The following RBFOX1 variants were observed in gnomAD, a reference collection of about 807,000 sequenced individuals.
RBFOX1 encodes the protein RNA binding fox-1 homolog 1, also known as RNA binding protein fox-1 homolog 1.
RBFOX1 carries 8 observed loss-of-function variants against 57.7 expected under a neutral mutation model. The observed-to-expected ratio is 0.14, with a 90% CI of 0.08 to 0.25. The LOEUF (loss-of-function observed/expected upper bound fraction) is 0.25, where lower values mean the gene tolerates loss of function less well. Among genes scored for constraint, RBFOX1 ranks in the 10% least tolerant of loss-of-function variants. The probability of loss-of-function intolerance (pLI) is 1.00; values close to 1 mark genes in which losing one functional copy is unlikely to be tolerated. For missense variants in RBFOX1, 611 were observed against 548.5 expected (o/e 1.11, Z -1.14); for synonymous variants, 326 against 222.4 (o/e 1.47, Z -4.15).
chr16:7,441,732 C>T (rs2098768829), intron 4 of RBFOX1, among the ~76,000 whole-genome samples: 1 of 152,200 alleles, frequency 6.6e-6, no homozygotes, highest in African/African-American at 2.4e-5. Flanking sequence ...CTTCACCCAC[C>T]AGCTGGAGCT....
At chr16:6,970,721 T>C (rs1246618771) in intron 3 of RBFOX1, among the ~76,000 whole-genome samples, 1 of 152,196 alleles carries the variant, frequency 6.6e-6, no homozygotes, top group Non-Finnish European at 1.5e-5. Flanking sequence ...GGATATTAGA[T>C]TTCACCATAT....
At chr16:6,908,857 A>C (rs1055720756) in intron 3 of RBFOX1, among the ~76,000 whole-genome samples, 2 of 152,080 alleles carry the variant, frequency 1.3e-5, no homozygotes, top group African/African-American at 4.8e-5. Context: ...GTGGGGACTA[A>C]ATTAGTTTAT....
At chr16:6,985,912 C>G (rs78337749) in intron 3 of RBFOX1, among the ~76,000 whole-genome samples, 2,898 of 139,540 alleles carry the variant, frequency 0.021, 109 homozygotes, top group African/African-American at 0.072. Context: ...TATCTTTAAT[C>G]TGCAAATGAA....
chr16:6,873,295 T>C (rs939271049), intron 3 of RBFOX1, among the ~76,000 whole-genome samples: 1 of 152,178 alleles, frequency 6.6e-6, no homozygotes, highest in Non-Finnish European at 1.5e-5. Context: ...ATAACTCTTT[T>C]AACACCTTGA....
chr16:6,738,099 G>A (rs1365112858), intron 3 of RBFOX1, among the ~76,000 whole-genome samples: 2 of 149,028 alleles, frequency 1.3e-5, no homozygotes, highest in Non-Finnish European at 1.5e-5. Flanking sequence ...AAAAAGTCAG[G>A]CATTTTCCTC....
At chr16:6,122,022 C>T (rs1209037796) in intron 1 of RBFOX1, among the ~76,000 whole-genome samples, 6 of 152,154 alleles carry the variant, frequency 3.9e-5, no homozygotes, top group Admixed American at 1.3e-4. Context: ...TCTCCTGCCT[C>T]AGCCTCCTGC....
intron 3 of RBFOX1, among the ~76,000 whole-genome samples, chr16:6,761,637 G>A (rs1438159119): frequency 1.3e-5 from 2 of 148,292 alleles, no homozygotes; most frequent in Non-Finnish European, 3.0e-5. Context: ...CTCCCAAGTG[G>A]CTGGGATTAC....
At chr16:6,853,491 C>G (rs775779306) in intron 3 of RBFOX1, among the ~76,000 whole-genome samples, 6 of 152,036 alleles carry the variant, frequency 3.9e-5, no homozygotes, top group Non-Finnish European at 5.9e-5. Context: ...CAGTGTGGTG[C>G]TCGAGGACAA....
chr16:6,032,151 A>T (rs189897705), intron 1 of RBFOX1, among the ~76,000 whole-genome samples: 3 of 151,772 alleles, frequency 2.0e-5, no homozygotes, highest in Non-Finnish European at 4.4e-5. Context: ...CGTGCTTTCA[A>T]TTCTGCTGCT....
chr16:6,174,108 G>T (rs2096984437), intron 1 of RBFOX1, among the ~76,000 whole-genome samples: 1 of 152,108 alleles, frequency 6.6e-6, no homozygotes, highest in Non-Finnish European at 1.5e-5. Context: ...AACTTAACAG[G>T]TTACTGGAGC....
At chr16:6,681,516 C>G (rs1038944160) in intron 3 of RBFOX1, among the ~76,000 whole-genome samples, 19 of 82,138 alleles carry the variant, frequency 2.3e-4, no homozygotes, top group Non-Finnish European at 3.0e-4. Context: ...GTCCTTGTCT[C>G]CAGAAGAGGT....
chr16:6,841,683 A>G (rs2141481460), intron 3 of RBFOX1, among the ~76,000 whole-genome samples: 1 of 152,182 alleles, frequency 6.6e-6, no homozygotes, highest in South Asian at 2.1e-4. Flanking sequence ...CCCTCTGTGG[A>G]AAATGATGGA....
At chr16:6,609,590 T>C (rs1269430385) in intron 2 of RBFOX1, among the ~76,000 whole-genome samples, 1 of 151,948 alleles carries the variant, frequency 6.6e-6, no homozygotes, top group Non-Finnish European at 1.5e-5. Context: ...GGCATTTCCT[T>C]AATTTAAAAA....
chr16:7,286,467 T>TTTTTA (rs1391701612), intron 4 of RBFOX1, among the ~76,000 whole-genome samples: 1 of 147,422 alleles, frequency 6.8e-6, no homozygotes, highest in South Asian at 2.1e-4. Flanking sequence ...TTTTTTTTTT[T>TTTTTA]GAGATGGAGT....
At chr16:6,767,941 TAATAATAAGAAGAAGAAG>T (rs1184317362) in intron 3 of RBFOX1, among the ~76,000 whole-genome samples, 19 of 85,152 alleles carry the variant, frequency 2.2e-4, no homozygotes, top group Middle Eastern at 5.3e-3. Context: ...ATAATAATAA[TAATAATAAGAAGAAGAAG>T]AAGAAGAAGA....
chr16:7,538,765 C>A (rs1249518019), intron 5 of RBFOX1, among the ~76,000 whole-genome samples: 1 of 152,162 alleles, frequency 6.6e-6, no homozygotes, highest in African/African-American at 2.4e-5. Flanking sequence ...ACATATACCA[C>A]TTGGAACTGG....
chr16:7,564,379 A>G (rs2091181072), intron 5 of RBFOX1, among the ~76,000 whole-genome samples: 1 of 151,782 alleles, frequency 6.6e-6, no homozygotes, highest in Non-Finnish European at 1.5e-5. Flanking sequence ...CTCTACTAAA[A>G]ATACAAAAAT....
chr16:7,518,004 A>G, intron 4 of RBFOX1, 143 bp from the exon 5 acceptor site: 1 of 944,006 alleles, frequency 1.1e-6, no homozygotes, highest in Non-Finnish European at 1.6e-6. Flanking sequence ...ATGACCTGAG[A>G]TTGGTCCATC....
chr16:6,292,653 C>T (rs1219337541), intron 1 of RBFOX1, among the ~76,000 whole-genome samples: 2 of 152,142 alleles, frequency 1.3e-5, no homozygotes, highest in East Asian at 1.9e-4. Flanking sequence ...TGTAGTCAGA[C>T]TGATTTTTGC....
Sources: gnomAD v4.1 joint callset for allele counts (sites outside exome capture counted in the v4.1 genomes callset) on GRCh38, gnomAD v4.1.1 for gene constraint, MANE v1.5 for transcripts, NCBI Gene and HGNC (gene_info 2026-07-23, HGNC 2026-07-21) for gene names.